The following TUBGCP6 variants were observed in gnomAD, a reference collection of about 807,000 sequenced individuals.
TUBGCP6 encodes tubulin gamma complex component 6.
Under a neutral mutation model 175.8 loss-of-function variants are expected in TUBGCP6, and 161 were observed. The ratio of observed to expected loss-of-function variants is 0.92; its 90% CI spans 0.81 to 1.04. TUBGCP6 has a LOEUF of 1.04. Ranked by LOEUF, TUBGCP6 falls within the 50% of genes least tolerant of loss-of-function variation. The pLI is 0.00. For missense variants in TUBGCP6, 2,572 were observed against 2,433.0 expected, an observed-to-expected ratio of 1.06 and a Z score of -1.20; for synonymous variants, 1,173 against 1,030.5, an observed-to-expected ratio of 1.14 and a Z score of -2.65.
Position 50,218,322 on chromosome 22 carries a change from CCTT to C in TUBGCP6, c.5032_5034del (p.Lys1678del). ...TGGTTGGCGATGTAGCCCTGGATGA[CCTT>C]CACGAAATGCTGCATCTCGTGCTTG... is the stretch of plus-strand genomic sequence containing the variant. On this transcript the variant is annotated inframe_deletion, in exon 23 of 25. Transcript: ENST00000248846. 6.2e-7 allele frequency: 1 copy of C among 1,613,106 alleles called. No homozygotes were observed. Among genetic ancestry groups the C allele is most frequent in the Non-Finnish European group, 8.5e-7 (1 of 1,179,998 alleles).
In TUBGCP6 at chr22:50,227,056, G is replaced by A. The variant is rs373074285; in HGVS notation, c.1434C>T (p.Gly478=). 3.6e-5 allele frequency: 58 copies of A among 1,611,954 alleles called. No homozygotes were observed. The highest frequency in any genetic ancestry group is 1.2e-4 in the South Asian group (11 of 90,686). ...AGGTGCCCGGGAGCACAGCGCCAAC[G>A]CCACAGAGCTCGGCCAGGTACCTAG... ...RQLRYLAELC[G]VGAVLPGTCG... The change falls in exon 6 of 25, where the codon GGC becomes GGT. Residue 478 remains glycine, a synonymous_variant. Transcript: ENST00000248846.
Position 50,240,239 on chromosome 22 carries a change from C to T in TUBGCP6, c.870G>A (p.Glu290=), listed in dbSNP as rs1464805101. The T allele has an allele frequency of 6.2e-7, 1 of 1,614,016 alleles. No individual in the cohort carries two copies. Among genetic ancestry groups the T allele is most frequent in the South Asian group, 1.1e-5 (1 of 91,072 alleles). Residue 290 remains glutamate, a synonymous_variant, in exon 2 of 25, where the codon GAG becomes GAA. Transcript: ENST00000248846. ...GCTCCCAGCACCTCCGCTTGCTGGCCTCATAGGTAAGTGCGGCTTCCCACA... is the reference window on the plus strand; with the variant it reads ...GCTCCCAGCACCTCCGCTTGCTGGCTTCATAGGTAAGTGCGGCTTCCCACA... The part of the protein sequence containing the change: ...VDLWEAALTY[E]ASKRRCWERV...
Position 50,240,164 on chromosome 22 carries a change from G to C in TUBGCP6, c.905+40C>G, listed in dbSNP as rs186903664. The C allele has an allele frequency of 9.1e-5, 146 of 1,611,584 alleles. No individual in the cohort carries two copies. In the East Asian group the frequency reaches 2.9e-3, roughly 32 times the overall value. On this transcript the variant is annotated intron_variant, in intron 2 of 24. Coordinates refer to ENST00000248846, the MANE Select transcript of TUBGCP6 (RefSeq NM_020461.4). ...CCATCCAAGGCCACGCTCATGCAGG[G>C]GTAGGGGCACTGCATGCCAAGGCAA...
At position 50,219,113 on chromosome 22, in the gene TUBGCP6, C is replaced by T. The variant is rs1293137865; in HGVS notation, c.4581G>A (p.Glu1527=). The part of the protein sequence containing the change: ...YEALRHFLLM[E]DGEFAQSLSD... ...TGAGGGACTGGGCGAACTCGCCGTC[C>T]TCCATCAGCAGGAAGTGCCGCAGTG... The change falls in exon 20 of 25, where the codon GAG becomes GAA. Residue 1527 remains glutamate (E), a synonymous_variant. Transcript: ENST00000248846. 3.1e-6 allele frequency: 5 copies of T among 1,613,056 alleles called. No homozygotes were observed. The African/African-American group carries it at 6.7e-5, about 22-fold the overall frequency.
At chr22:50,226,468 T>C in intron 7 of TUBGCP6, 90 bp from the exon 8 acceptor site, 1 of 1,277,932 alleles carries the variant, frequency 7.8e-7, no homozygotes, top group South Asian at 1.3e-5. Flanking sequence ...GGGGCGTGGC[T>C]GTCAGTGAGG....
At position 50,229,436 on chromosome 22, in the gene TUBGCP6, C is replaced by T. The variant is rs757302037; in HGVS notation, c.1258G>A (p.Asp420Asn). The T allele has an allele frequency of 6.2e-7, 1 of 1,613,622 alleles. No homozygotes were observed. Among genetic ancestry groups the T allele is most frequent in the East Asian group, 2.2e-5 (1 of 44,880 alleles). ...ACGAGGCCCTTGCTGTACAAAGAGT[C>T]CAGGACGGGCTGCAGAGAGAAATGA... ...LSHFSLQPVL[D>N]SLYSKGLVFQ... The change falls in exon 4 of 25, where the codon GAC becomes AAC. Residue 420 changes from aspartate (D) to asparagine (N), a missense_variant. Physicochemically the swap from Asp to Asn is conservative, Grantham distance 23 (BLOSUM62 1). Coordinates refer to ENST00000248846, the MANE Select transcript of TUBGCP6 (RefSeq NM_020461.4).
At chr22:50,233,257 T>C (rs1276752187) in intron 3 of TUBGCP6, 59 bp downstream of exon 3, 1 of 1,571,174 alleles carries the variant, frequency 6.4e-7, no homozygotes. Flanking sequence ...GGCTGGGCAC[T>C]GCGTGGTGGA....
rs375302946 is a variant in TUBGCP6 at position 50,243,617 on chromosome 22, C to CAAA, written c.741+99_741+101dup. ...TGGGTGACAGAGTGAGACACTGTCT[C>CAAA]AAAAAAAAAAAAAAAAAGAAGAAGA... On this transcript the variant is annotated intron_variant, in intron 1 of 24. Coordinates refer to ENST00000248846, the MANE Select transcript of TUBGCP6 (RefSeq NM_020461.4). 0.16 allele frequency: 80,308 copies of CAAA among 511,330 alleles called. 2,486 individuals are homozygous for CAAA. The highest frequency in any genetic ancestry group is 0.3 in the African/African-American group (6,103 of 20,398). The allele number at this position is 511,330 out of a possible 1,614,324, so 31.7% of individuals were successfully genotyped here. A position where few individuals can be genotyped will look rare whatever the true frequency, so the allele number is the denominator to read the frequency against.
intron 5 of TUBGCP6, among the ~76,000 whole-genome samples, chr22:50,227,619 C>T (rs2064631371): frequency 6.6e-6 from 1 of 152,250 alleles, no homozygotes; most frequent in Non-Finnish European, 1.5e-5. Flanking sequence ...CACTAACCAG[C>T]TTGTGTGTAC....
intron 3 of TUBGCP6, among the ~76,000 whole-genome samples, chr22:50,230,552 G>C (rs2064674252): frequency 6.6e-6 from 1 of 151,690 alleles, no homozygotes; most frequent in Non-Finnish European, 1.5e-5. Context: ...GTTGCAGTGA[G>C]CTGAGATCAC....
At chr22:50,238,135 AAAAGAGAG>A (rs1260539671) in intron 2 of TUBGCP6, among the ~76,000 whole-genome samples, 6 of 143,412 alleles carry the variant, frequency 4.2e-5, no homozygotes, top group Non-Finnish European at 7.8e-5. Context: ...AAAGAAAAAG[AAAAGAGAG>A]AGAGAGAGAG....
Position 50,228,048 on chromosome 22 carries a change from G to C in TUBGCP6, c.1291-20C>G. On this transcript the variant is annotated intron_variant, in intron 4 of 24. Transcript: ENST00000248846. ...GAAGGCCTGTGGGCAAAGAGGCTGG[G>C]AGGAGGGCGGCCAGGCACATGGACG... The C allele has an allele frequency of 6.6e-7, 1 of 1,521,826 alleles. No individual in the cohort carries two copies. Among genetic ancestry groups the C allele is most frequent in the Non-Finnish European group, 8.8e-7 (1 of 1,130,888 alleles). The allele number at this position is 1,521,826 out of a possible 1,614,324, so 94.3% of individuals were successfully genotyped here. A position where few individuals can be genotyped will look rare whatever the true frequency, so the allele number is the denominator to read the frequency against.
chr22:50,236,056 G>A (rs2064774880), intron 2 of TUBGCP6, among the ~76,000 whole-genome samples: 1 of 152,036 alleles, frequency 6.6e-6, no homozygotes, highest in Non-Finnish European at 1.5e-5. Context: ...CTGTACAACT[G>A]GTTAAGACGG....
At chr22:50,243,144 G>A (rs190238832) in intron 1 of TUBGCP6, among the ~76,000 whole-genome samples, 92 of 151,808 alleles carry the variant, frequency 6.1e-4, no homozygotes, top group African/African-American at 2.0e-3. Flanking sequence ...GTGAAACCCC[G>A]CCTCTACTAA....
Position 50,218,302 on chromosome 22 carries a change from G to A in TUBGCP6, c.5055C>T (p.Ala1685=), listed in dbSNP as rs1212809169. The A allele has an allele frequency of 1.2e-6, 2 of 1,613,042 alleles. No homozygotes were observed. The highest frequency in any genetic ancestry group is 2.7e-5 in the African/African-American group (2 of 74,960). The change falls in exon 23 of 25, where the codon GCC becomes GCT. Residue 1685 remains alanine, a synonymous_variant. Transcript: ENST00000248846. The stretch of plus-strand genomic sequence containing the variant: ...ACCAGGTGACGTGCAGGATCTGGTT[G>A]GCGATGTAGCCCTGGATGACCTTCA... The part of the protein sequence containing the change: ...HFVKVIQGYI[A]NQILHVTWCE...
intron 11 of TUBGCP6, 31 bp from the exon 12 acceptor site, chr22:50,224,451 A>G (rs1271948430): frequency 6.2e-7 from 1 of 1,614,114 alleles, no homozygotes; most frequent in Non-Finnish European, 8.5e-7. Flanking sequence ...GCGCACTGTC[A>G]CAAGGAGGCC....
rs1456705533 is a variant in TUBGCP6 at position 50,222,088 on chromosome 22, T to G, written c.2424A>C (p.Ala808=). Residue 808 remains alanine, a synonymous_variant, in exon 15 of 25, where the codon GCA becomes GCC. Coordinates refer to ENST00000248846, the MANE Select transcript of TUBGCP6 (RefSeq NM_020461.4). ...DEKHIQEMLK[A]VSEAHQPQEP... is the part of the protein sequence containing the mutation. ...CCTGGGGCTGGTGAGCCTCAGACAC[T>G]GCTTTCAGCATCTCCTGAAATTCAA... 6.2e-7 allele frequency: 1 copy of G among 1,613,734 alleles called. No individual in the cohort carries two copies. Among genetic ancestry groups the G allele is most frequent in the Non-Finnish European group, 8.5e-7 (1 of 1,179,968 alleles).
rs988199876 is a variant in TUBGCP6 at position 50,224,680 on chromosome 22, G to A, written c.1984-88C>T. On this transcript the variant is annotated intron_variant, in intron 10 of 24. Transcript: ENST00000248846. ...CTGGCACTTTGGGAGGCCGAGGTGG[G>A]TAGATCACATGAGCTTAAGAGTTCA... The A allele has an allele frequency of 3.8e-6, 5 of 1,313,004 alleles. No homozygotes were observed. The African/African-American group carries it at 5.8e-5, about 15-fold the overall frequency. 81.3% of individuals were successfully genotyped at this position (1,313,004 alleles called of 1,614,324 possible).
intron 10 of TUBGCP6, among the ~76,000 whole-genome samples, chr22:50,225,449 G>A (rs890757733): frequency 5.3e-5 from 8 of 152,170 alleles, no homozygotes; most frequent in Non-Finnish European, 1.2e-4. Flanking sequence ...TCCACAGCTG[G>A]CGGGCCCGGG....
Sources: gnomAD v4.1 joint callset for allele counts (sites outside exome capture counted in the v4.1 genomes callset) on GRCh38, gnomAD v4.1.1 for gene constraint, MANE v1.5 for transcripts, NCBI Gene and HGNC (gene_info 2026-07-23, HGNC 2026-07-21) for gene names.